NEK5: variants seen among roughly 807,000 people sequenced by gnomAD.
NEK5 encodes the protein NIMA related kinase 5.
A neutral mutation model predicts 109.2 loss-of-function variants in NEK5; 88 were observed. The observed-to-expected ratio is 0.81, with a 90% CI of 0.68 to 0.96. The LOEUF (loss-of-function observed/expected upper bound fraction) is 0.96, where lower values mean the gene tolerates loss of function less well. Among genes scored for constraint, NEK5 ranks in the 40% least tolerant of loss-of-function variants. The pLI, the probability that NEK5 is intolerant of heterozygous loss-of-function variation, is 0.00. For synonymous variants in NEK5, 283 were observed against 299.9 expected (o/e 0.94, Z 0.58); for missense variants, 834 against 920.7 (o/e 0.91, Z 1.22).
chr13:52,110,766 T>C (rs1955743591), intron 5 of NEK5, among the ~76,000 whole-genome samples, 189 bp from the exon 6 acceptor site: 2 of 152,014 alleles, frequency 1.3e-5, no homozygotes, highest in South Asian at 2.1e-4. Context: ...ATTCTACAAC[T>C]AAAAAAATGG....
At chr13:52,067,529 T>G (rs1954709557) in intron 20 of NEK5, among the ~76,000 whole-genome samples, 2 of 152,166 alleles carry the variant, frequency 1.3e-5, no homozygotes, top group Admixed American at 6.5e-5. Flanking sequence ...CTTCTCCTTT[T>G]GTGGGCATGT....
intron 12 of NEK5, 77 bp downstream of exon 12, chr13:52,099,666 C>T (rs1427897091): frequency 1.3e-6 from 2 of 1,519,854 alleles, no homozygotes; most frequent in Middle Eastern, 3.5e-4. Context: ...GAGACTCCGT[C>T]TCAAAACAAA....
intron 17 of NEK5, among the ~76,000 whole-genome samples, chr13:52,082,771 A>G (rs185044009): frequency 2.0e-3 from 299 of 152,340 alleles, no homozygotes; most frequent in Non-Finnish European, 3.5e-3. Context: ...TTGGCTGCTT[A>G]CTAAATCACC....
intron 4 of NEK5, among the ~76,000 whole-genome samples, chr13:52,115,291 G>C (rs1593997625): frequency 6.7e-6 from 1 of 149,854 alleles, no homozygotes; most frequent in Admixed American, 6.7e-5. Context: ...GTGAGCCACC[G>C]CGCCCGGCCG....
chr13:52,102,406 T>C, intron 9 of NEK5, 114 bp from the exon 10 acceptor site: 12 of 871,556 alleles, frequency 1.4e-5, no homozygotes, highest in Non-Finnish European at 2.2e-5. Context: ...TTTTAAATTG[T>C]AGTTAGAAGC....
chr13:52,089,250 T>C lies in NEK5; in HGVS notation c.1272A>G (p.Gln424=), dbSNP rs1955224413. 2 of 1,580,632 alleles carry C rather than the reference T, an allele frequency of 1.3e-6. No homozygotes were observed. The highest frequency in any genetic ancestry group is 1.7e-6 in the Non-Finnish European group (2 of 1,150,360). ...AQQYKLKVEK[Q]LGLRPSSAEP... is the part of the protein sequence containing the mutation. ...CCATATTTGGTATTTTACTTACCAATTGCTTCTCCACTTTCAACTTATATT... is the reference window on the plus strand; with the variant it reads ...CCATATTTGGTATTTTACTTACCAACTGCTTCTCCACTTTCAACTTATATT... The change falls in exon 14 of 24, where the codon CAA becomes CAG. Residue 424 remains glutamine, a synonymous_variant. Transcript: ENST00000684899.
chr13:52,076,814 A>G (rs1954878275), intron 17 of NEK5, among the ~76,000 whole-genome samples: 1 of 152,168 alleles, frequency 6.6e-6, no homozygotes, highest in Admixed American at 6.5e-5. Flanking sequence ...TATTCACTCC[A>G]CAAATTCACA....
At chr13:52,086,159 A>AT in intron 16 of NEK5, 118 bp downstream of exon 16, 1 of 739,388 alleles carries the variant, frequency 1.4e-6, no homozygotes, top group Non-Finnish European at 2.4e-6. Flanking sequence ...AGTCTACATG[A>AT]TTATCTCTAT....
chr13:52,127,677 A>C lies in NEK5; in HGVS notation c.-90-15T>G, dbSNP rs1956093308. Reference sequence around the variant, plus strand: ...GCCACAGATAACTGAAATGAGACAGAGTTTCTTGGTCAGACACGGGTCATA... The same window carrying C: ...GCCACAGATAACTGAAATGAGACAGCGTTTCTTGGTCAGACACGGGTCATA... On this transcript the variant is annotated splice_polypyrimidine_tract_variant and intron_variant, in intron 1 of 23. Coordinates refer to ENST00000684899, the MANE Select transcript of NEK5 (RefSeq NM_001365552.1). 5.7e-6 allele frequency: 3 copies of C among 530,438 alleles called. No homozygotes were observed. Among genetic ancestry groups the C allele is most frequent in the South Asian group, 5.2e-5 (2 of 38,804 alleles). 32.9% of individuals were successfully genotyped at this position (530,438 alleles called of 1,614,324 possible).
intron 23 of NEK5, among the ~76,000 whole-genome samples, chr13:52,045,624 G>A (rs1954451429): frequency 6.7e-6 from 1 of 148,674 alleles, no homozygotes; most frequent in Non-Finnish European, 1.5e-5. Flanking sequence ...AATTAGCCGG[G>A]CGTGGTGGCC....
chr13:52,050,610 T>C (rs1437883810), intron 22 of NEK5, among the ~76,000 whole-genome samples: 1 of 93,378 alleles, frequency 1.1e-5, no homozygotes, highest in Admixed American at 1.2e-4. Context: ...CACACCTTCA[T>C]CTTTTTTTTT....
In NEK5 at chr13:52,099,542, C is replaced by G. The variant is rs569425856; in HGVS notation, c.1026+201G>C. Reference sequence around the variant, plus strand: ...AAAATTAGCTGGGCATAGTGGCACACGTCTGTAGTCCCAGCTACTCAGGAG... The same window carrying G: ...AAAATTAGCTGGGCATAGTGGCACAGGTCTGTAGTCCCAGCTACTCAGGAG... On this transcript the variant is annotated intron_variant, in intron 12 of 23. Coordinates refer to ENST00000684899, the MANE Select transcript of NEK5 (RefSeq NM_001365552.1). Among the ~76,000 whole-genome samples the G allele has an allele frequency of 3.4e-3, 511 of 152,228 alleles. 2 individuals carry two copies. The highest frequency in any genetic ancestry group is 6.3e-3 in the African/African-American group (263 of 41,546).
chr13:52,104,060 A>G (rs1955598167), intron 9 of NEK5, among the ~76,000 whole-genome samples: 2 of 152,102 alleles, frequency 1.3e-5, no homozygotes, highest in African/African-American at 4.8e-5. Context: ...CCTGGGTTCT[A>G]GCAATTCTCG....
chr13:52,086,898 A>G (rs549808674), intron 15 of NEK5, among the ~76,000 whole-genome samples: 3 of 152,352 alleles, frequency 2.0e-5, no homozygotes, highest in South Asian at 2.1e-4. Flanking sequence ...AAGAAATGCC[A>G]AAGATTGCCA....
At chr13:52,048,214 C>T (rs1029598239) in intron 23 of NEK5, among the ~76,000 whole-genome samples, 4 of 152,278 alleles carry the variant, frequency 2.6e-5, no homozygotes, top group Admixed American at 2.6e-4. Context: ...GACTGCTATA[C>T]TTCATATGTA....
At chr13:52,063,313 G>C (rs1338421158) in intron 21 of NEK5, among the ~76,000 whole-genome samples, 1 of 152,250 alleles carries the variant, frequency 6.6e-6, no homozygotes, top group Non-Finnish European at 1.5e-5. Flanking sequence ...AACCGCGAGT[G>C]ATCTGCCAGC....
intron 17 of NEK5, among the ~76,000 whole-genome samples, chr13:52,079,532 C>CAT (rs1954934784): frequency 6.6e-5 from 10 of 151,758 alleles, no homozygotes; most frequent in African/African-American, 2.2e-4. Context: ...CAGCTCCTAA[C>CAT]AGCGAGTGAT....
Position 52,089,268 on chromosome 13 carries a change from C to T in NEK5, c.1254G>A (p.Lys418=), listed in dbSNP as rs1955224832. 6.2e-7 allele frequency: 1 copy of T among 1,605,584 alleles called. No homozygotes were observed. Among genetic ancestry groups the T allele is most frequent in the Admixed American group, 1.7e-5 (1 of 59,888 alleles). Residue 418 remains lysine, a synonymous_variant, in exon 14 of 24, where the codon AAG becomes AAA. Coordinates refer to ENST00000684899, the MANE Select transcript of NEK5 (RefSeq NM_001365552.1). ...TTACCAATTGCTTCTCCACTTTCAA[C>T]TTATATTGTTGAGCTTCAAATTTTC... ...LQRKFEAQQY[K]LKVEKQLGLR... is the part of the protein sequence containing the mutation.
intron 22 of NEK5, among the ~76,000 whole-genome samples, chr13:52,050,711 TG>T (rs1384109893): frequency 2.0e-5 from 3 of 150,812 alleles, no homozygotes; most frequent in Non-Finnish European, 4.4e-5. Flanking sequence ...ATATTTCATT[TG>T]TTTTTTTCTT....
Sources: gnomAD v4.1 joint callset for allele counts (sites outside exome capture counted in the v4.1 genomes callset) on GRCh38, gnomAD v4.1.1 for gene constraint, MANE v1.5 for transcripts, NCBI Gene and HGNC (gene_info 2026-07-23, HGNC 2026-07-21) for gene names.